Variants in DPY19L2 observed in about 807,000 individuals in gnomAD.
DPY19L2 encodes the protein dpy-19 like 2, also known as probable C-mannosyltransferase DPY19L2.
DPY19L2 carries 34 observed loss-of-function variants against 97.9 expected under a neutral mutation model. The observed-to-expected ratio is 0.35, with a 90% CI of 0.26 to 0.46. DPY19L2 has a LOEUF of 0.46. Among genes scored for constraint, DPY19L2 ranks in the 20% least tolerant of loss-of-function variants. The probability of loss-of-function intolerance (pLI) is 1.00; values close to 1 mark genes in which losing one functional copy is unlikely to be tolerated. For synonymous variants in DPY19L2, 230 were observed against 307.9 expected, an observed-to-expected ratio of 0.75 and a Z score of 2.65; for missense variants, 623 against 911.4, an observed-to-expected ratio of 0.68 and a Z score of 4.07.
At chr12:63,634,208 T>C (rs941254626) in intron 6 of DPY19L2, among the ~76,000 whole-genome samples, 6 of 152,100 alleles carry the variant, frequency 3.9e-5, no homozygotes, top group Admixed American at 3.9e-4. Flanking sequence ...AATTTTAAAG[T>C]ATAATTAAAA....
chr12:63,667,625 T>C (rs1896483229), intron 1 of DPY19L2, among the ~76,000 whole-genome samples: 1 of 152,122 alleles, frequency 6.6e-6, no homozygotes, highest in Non-Finnish European at 1.5e-5. Context: ...TTTCTCCATA[T>C]AGTAATCCTC....
At chr12:63,636,373 C>T (rs1212442506) in intron 6 of DPY19L2, among the ~76,000 whole-genome samples, 3 of 152,084 alleles carry the variant, frequency 2.0e-5, no homozygotes, top group African/African-American at 7.2e-5. Flanking sequence ...CATCAACTAA[C>T]GAGCAAAATA....
At chr12:63,655,581 A>G (rs949854879) in intron 4 of DPY19L2, among the ~76,000 whole-genome samples, 1 of 152,172 alleles carries the variant, frequency 6.6e-6, no homozygotes, top group Non-Finnish European at 1.5e-5. Flanking sequence ...GAGAGAGAAG[A>G]TATGAAACAG....
At chr12:63,578,512 T>C (rs1880289643) in intron 19 of DPY19L2, among the ~76,000 whole-genome samples, 2 of 152,134 alleles carry the variant, frequency 1.3e-5, no homozygotes, top group South Asian at 4.1e-4. Flanking sequence ...GGATACTCCA[T>C]TTACCCTGAT....
chr12:63,630,146 A>C (rs1890332847), intron 6 of DPY19L2, among the ~76,000 whole-genome samples: 1 of 152,194 alleles, frequency 6.6e-6, no homozygotes, highest in Non-Finnish European at 1.5e-5. Context: ...AGCTAGGAAG[A>C]AACTGCATCA....
At chr12:63,617,262 T>C (rs1391675146) in intron 11 of DPY19L2, 42 bp downstream of exon 11, 6 of 1,287,520 alleles carry the variant, frequency 4.7e-6, no homozygotes, top group South Asian at 1.3e-5. Flanking sequence ...ACATGCTATT[T>C]GGCAGGTTAA....
At chr12:63,612,613 AAAAAGGACTAGG>A (rs1290104185) in intron 11 of DPY19L2, among the ~76,000 whole-genome samples, 1 of 151,112 alleles carries the variant, frequency 6.6e-6, no homozygotes, top group Admixed American at 6.6e-5. Context: ...TAAAAAAAAA[AAAAAGGACTAGG>A]AAAAAAGGAG....
chr12:63,618,812 A>C (rs764042680), intron 9 of DPY19L2, among the ~76,000 whole-genome samples: 1 of 152,142 alleles, frequency 6.6e-6, no homozygotes, highest in Non-Finnish European at 1.5e-5. Flanking sequence ...GATGTCCAGC[A>C]CCACATCAAA....
chr12:63,616,298 G>C (rs997644353), intron 11 of DPY19L2, among the ~76,000 whole-genome samples: 1 of 152,176 alleles, frequency 6.6e-6, no homozygotes, highest in Non-Finnish European at 1.5e-5. Context: ...AGAGGTAGAT[G>C]AGCACACTAT....
chr12:63,631,614 C>G (rs1890672043), intron 6 of DPY19L2, among the ~76,000 whole-genome samples: 1 of 152,106 alleles, frequency 6.6e-6, no homozygotes, highest in Non-Finnish European at 1.5e-5. Flanking sequence ...GACAGAGTCA[C>G]AGCCCAATTC....
intron 21 of DPY19L2, among the ~76,000 whole-genome samples, chr12:63,568,989 G>A (rs1018427708): frequency 6.6e-6 from 1 of 151,898 alleles, no homozygotes; most frequent in Non-Finnish European, 1.5e-5. Flanking sequence ...CTAAGTGGAA[G>A]ATGTTAAATT....
chr12:63,630,327 A>G (rs1240806286), intron 6 of DPY19L2, among the ~76,000 whole-genome samples: 1 of 152,142 alleles, frequency 6.6e-6, no homozygotes, highest in Admixed American at 6.5e-5. Flanking sequence ...AACCCATCTC[A>G]CATGCAGAGA....
intron 6 of DPY19L2, among the ~76,000 whole-genome samples, chr12:63,642,852 T>C (rs1371916698): frequency 2.6e-5 from 4 of 152,098 alleles, no homozygotes; most frequent in Admixed American, 6.5e-5. Flanking sequence ...TGGTAGAGCA[T>C]TGAATCTATA....
At chr12:63,588,745 C>CTTTTTTTTTTTT (rs913709153) in intron 16 of DPY19L2, among the ~76,000 whole-genome samples, 6 of 129,920 alleles carry the variant, frequency 4.6e-5, no homozygotes, top group Non-Finnish European at 8.1e-5. Flanking sequence ...AGGAAACTTT[C>CTTTTTTTTTTTT]TTTTTTTTTT....
chr12:63,650,012 TC>T (rs532259281), intron 4 of DPY19L2, among the ~76,000 whole-genome samples: 2,105 of 152,156 alleles, frequency 0.014, 25 homozygotes, highest in Non-Finnish European at 0.021. Context: ...CAAGGGTGGT[TC>T]AACACAGGCA....
chr12:63,587,760 A>G (rs2137417333), intron 16 of DPY19L2, among the ~76,000 whole-genome samples: 1 of 151,948 alleles, frequency 6.6e-6, no homozygotes, highest in Admixed American at 6.6e-5. Flanking sequence ...TTTAGTGGAG[A>G]CAGGGTTTCA....
At chr12:63,645,301 G>A (rs968175905) in intron 5 of DPY19L2, among the ~76,000 whole-genome samples, 2 of 152,064 alleles carry the variant, frequency 1.3e-5, no homozygotes, top group African/African-American at 2.4e-5. Context: ...CTGATCGCTC[G>A]TTTCAGTCAG....
At chr12:63,595,693 C>A (rs557657903) in intron 15 of DPY19L2, among the ~76,000 whole-genome samples, 14 of 152,062 alleles carry the variant, frequency 9.2e-5, no homozygotes, top group Non-Finnish European at 1.9e-4. Context: ...AAGACAGGAG[C>A]GGCCAGGTTT....
At chr12:63,569,549 A>C in intron 20 of DPY19L2, 200 bp from the exon 21 acceptor site, 1 of 388,434 alleles carries the variant, frequency 2.6e-6, no homozygotes. Context: ...AACTTACAGC[A>C]ATTTAATTTT....
Sources: allele counts gnomAD v4.1 joint callset (sites outside exome capture counted in the v4.1 genomes callset), GRCh38; gene constraint gnomAD v4.1.1; transcripts MANE v1.5; gene names NCBI Gene and HGNC (gene_info 2026-07-23, HGNC 2026-07-21).